PATJ: variants seen among roughly 807,000 people sequenced by gnomAD.
The protein encoded by PATJ is PATJ crumbs cell polarity complex component, also known as inaD-like protein.
In PATJ, 190 loss-of-function variants were observed where a neutral mutation model predicts 224.9. The ratio of observed to expected loss-of-function variants is 0.84; its 90% CI spans 0.75 to 0.95. PATJ has a LOEUF of 0.95. PATJ is among the 40% of genes least tolerant of loss of function. The pLI is 0.00. For synonymous variants in PATJ, 769 were observed against 820.3 expected (o/e 0.94, Z 1.07); for missense variants, 2,121 against 2,270.3 (o/e 0.93, Z 1.34).
In PATJ at chr1:61,949,535, T is replaced by A. The variant is rs145977074; in HGVS notation, c.3670+21706T>A. Among the ~76,000 whole-genome samples the A allele has an allele frequency of 1.9e-4, 29 of 152,284 alleles. No individual in the cohort carries two copies. In the East Asian group the frequency reaches 5.6e-3, roughly 29 times the overall value. ...TTAAATATAATTTTAAATTAAAGAA[T>A]CACATGCGTAAGAGAGTTAAAAGTT... On this transcript the variant is annotated intron_variant, in intron 27 of 43. Coordinates refer to ENST00000642238, the MANE Select transcript of PATJ (RefSeq NM_001350145.3).
In PATJ at chr1:62,144,771, A is replaced by ATATATATATATATATATATATATATAT. The variant is rs1439255158; in HGVS notation, c.5272-3513_5272-3512insTATATATATATATATATATATATATAT. ...ATGCTCTAGAATGTTATTTGCAAAA[A>ATATATATATATATATATATATATATAT]AAAAAAATATATATATATATATATA... On this transcript the variant is annotated intron_variant, in intron 41 of 43. Transcript: ENST00000642238. 6.7e-3 allele frequency among the ~76,000 whole-genome samples: 490 copies of ATATATATATATATATATATATATATAT among 72,788 alleles called. 28 individuals are homozygous for ATATATATATATATATATATATATATAT. The highest frequency in any genetic ancestry group is 0.021 in the East Asian group (49 of 2,388). The allele number at this position is 72,788 out of a possible 152,430, so 47.8% of individuals were successfully genotyped here. A position where few individuals can be genotyped will look rare whatever the true frequency, so the allele number is the denominator to read the frequency against.
chr1:61,906,508 A>G (rs1671879426), intron 24 of PATJ, among the ~76,000 whole-genome samples: 1 of 152,202 alleles, frequency 6.6e-6, no homozygotes, highest in Admixed American at 6.5e-5. Flanking sequence ...TCACTCAGGA[A>G]ATTCCAAGGG....
At chr1:61,895,926 C>A (rs1670301348) in intron 22 of PATJ, among the ~76,000 whole-genome samples, 1 of 152,320 alleles carries the variant, frequency 6.6e-6, no homozygotes, top group East Asian at 1.9e-4. Context: ...TGCCCAAGGC[C>A]TTGGGAGTCC....
chr1:61,914,314 G>A (rs1673106784), intron 25 of PATJ, among the ~76,000 whole-genome samples: 1 of 152,076 alleles, frequency 6.6e-6, no homozygotes, highest in South Asian at 2.1e-4. Context: ...AAATTAGCTG[G>A]GTGTGGTGGC....
chr1:61,772,112 T>G (rs1338979250), intron 6 of PATJ, among the ~76,000 whole-genome samples: 3 of 151,304 alleles, frequency 2.0e-5, no homozygotes, highest in Non-Finnish European at 4.4e-5. Flanking sequence ...GGTCGTTTTT[T>G]TTTTTTTTTT....
intron 14 of PATJ, among the ~76,000 whole-genome samples, chr1:61,814,632 G>A (rs7538020): frequency 0.79 from 120,581 of 151,858 alleles, 47,976 homozygotes; most frequent in East Asian, 0.94. Context: ...ATTTTTCTAC[G>A]TTAATTTCTT....
chr1:61,779,539 A>T (rs1012566296), intron 7 of PATJ, among the ~76,000 whole-genome samples: 2 of 152,188 alleles, frequency 1.3e-5, no homozygotes, highest in Non-Finnish European at 2.9e-5. Context: ...CAACATCTAG[A>T]TTAGTGTTTG....
At chr1:61,913,204 AAGG>A (rs1260094401) in intron 25 of PATJ, among the ~76,000 whole-genome samples, 2 of 152,018 alleles carry the variant, frequency 1.3e-5, no homozygotes, top group Admixed American at 1.3e-4. Flanking sequence ...TTTCCTGAGC[AAGG>A]AGTTTTTTTT....
intron 43 of PATJ, among the ~76,000 whole-genome samples, chr1:62,157,766 G>A (rs1380721203): frequency 1.4e-5 from 2 of 145,336 alleles, no homozygotes; most frequent in Non-Finnish European, 3.0e-5. Flanking sequence ...GGAAGGCGGA[G>A]GTTGCAGTTA....
At chr1:61,766,907 A>G (rs1192392435) in intron 4 of PATJ, among the ~76,000 whole-genome samples, 2 of 152,152 alleles carry the variant, frequency 1.3e-5, no homozygotes, top group African/African-American at 4.8e-5. Context: ...AGCCCGACCA[A>G]CATGGCAAAA....
At chr1:61,886,053 G>A (rs1390505181) in intron 22 of PATJ, among the ~76,000 whole-genome samples, 10 of 152,096 alleles carry the variant, frequency 6.6e-5, no homozygotes, top group Admixed American at 3.3e-4. Flanking sequence ...GGGAGTGATA[G>A]CATTAGGAGA....
intron 42 of PATJ, among the ~76,000 whole-genome samples, chr1:62,148,635 C>T (rs1464057444): frequency 6.6e-6 from 1 of 152,150 alleles, no homozygotes; most frequent in Non-Finnish European, 1.5e-5. Flanking sequence ...TGCCTGCTTC[C>T]CTAAGAAACC....
chr1:62,016,969 T>C (rs1646803722), intron 28 of PATJ, among the ~76,000 whole-genome samples: 1 of 152,220 alleles, frequency 6.6e-6, no homozygotes, highest in Admixed American at 6.5e-5. Context: ...CTAAACTTTT[T>C]GTATCAGGCT....
intron 42 of PATJ, among the ~76,000 whole-genome samples, chr1:62,150,613 G>T (rs1439162983): frequency 1.4e-5 from 2 of 147,886 alleles, no homozygotes; most frequent in African/African-American, 2.5e-5. Flanking sequence ...GGAGTTTGAG[G>T]CTGCAACGGG....
intron 28 of PATJ, among the ~76,000 whole-genome samples, chr1:62,009,877 G>A (rs545050892): frequency 6.6e-6 from 1 of 151,946 alleles, no homozygotes; most frequent in Non-Finnish European, 1.5e-5. Flanking sequence ...AAGGTCAGGG[G>A]TTCGAGACCA....
At chr1:61,975,312 C>T (rs1644069956) in intron 27 of PATJ, among the ~76,000 whole-genome samples, 1 of 152,002 alleles carries the variant, frequency 6.6e-6, no homozygotes, top group Non-Finnish European at 1.5e-5. Context: ...TCTTTGTCTC[C>T]TGTTATGTGA....
intron 27 of PATJ, among the ~76,000 whole-genome samples, chr1:61,946,587 C>T (rs1678751565): frequency 6.6e-6 from 1 of 152,148 alleles, no homozygotes; most frequent in Non-Finnish European, 1.5e-5. Context: ...AGCCTACCAA[C>T]CAAACAAAGT....
At chr1:62,160,122 C>A (rs1669705641) in intron 43 of PATJ, among the ~76,000 whole-genome samples, 1 of 152,048 alleles carries the variant, frequency 6.6e-6, no homozygotes, top group African/African-American at 2.4e-5. Context: ...GATGGTGAAA[C>A]CTCCTGTAAA....
chr1:62,112,669 G>A (rs1558185645), intron 34 of PATJ, among the ~76,000 whole-genome samples: 1 of 152,156 alleles, frequency 6.6e-6, no homozygotes, highest in East Asian at 1.9e-4. Context: ...TCTGCCTGGT[G>A]GGCTGGACTT....
Sources: allele counts gnomAD v4.1 joint callset (sites outside exome capture counted in the v4.1 genomes callset), GRCh38; gene constraint gnomAD v4.1.1; transcripts MANE v1.5; gene names NCBI Gene and HGNC (gene_info 2026-07-23, HGNC 2026-07-21).